MDGA2: variants seen among roughly 807,000 people sequenced by gnomAD.
MDGA2 encodes the protein MAM domain-containing glycosylphosphatidylinositol anchor protein 2.
A neutral mutation model predicts 117.8 loss-of-function variants in MDGA2; 40 were observed. The ratio of observed to expected loss-of-function variants is 0.34; its 90% CI spans 0.26 to 0.44. MDGA2 has a LOEUF of 0.44. Among genes scored for constraint, MDGA2 ranks in the 20% least tolerant of loss-of-function variants. MDGA2 has a pLI of 1.00. For missense variants in MDGA2, 1,123 were observed against 1,250.6 expected (o/e 0.90, Z 1.54); for synonymous variants, 452 against 439.0 (o/e 1.03, Z -0.37).
At chr14:47,597,022 T>A (rs1288633585) in intron 1 of MDGA2, among the ~76,000 whole-genome samples, 3 of 152,140 alleles carry the variant, frequency 2.0e-5, no homozygotes, top group Non-Finnish European at 4.4e-5. Flanking sequence ...CGACTCACTG[T>A]GTTACTACAC....
intron 10 of MDGA2, among the ~76,000 whole-genome samples, chr14:46,899,264 T>C (rs1883195149): frequency 6.6e-6 from 1 of 152,010 alleles, no homozygotes; most frequent in Non-Finnish European, 1.5e-5. Flanking sequence ...CCCCACCCTT[T>C]TTTTCCCAAA....
rs1391897098 is a variant in MDGA2 at position 47,387,305 on chromosome 14, G to C, written c.281-85755C>G. Reference sequence around the variant, plus strand: ...GTGGGTTACTTTGGTACCACGGTTGGGTTATTCTCCACCCACCCCCAAACC... The same window carrying C: ...GTGGGTTACTTTGGTACCACGGTTGCGTTATTCTCCACCCACCCCCAAACC... On this transcript the variant is annotated intron_variant, in intron 1 of 16. Transcript: ENST00000399232. 2.0e-5 allele frequency among the ~76,000 whole-genome samples: 3 copies of C among 152,198 alleles called. No homozygotes were observed. In the East Asian group the frequency reaches 5.8e-4, roughly 29 times the overall value.
intron 1 of MDGA2, among the ~76,000 whole-genome samples, chr14:47,419,028 C>T (rs1050689554): frequency 3.3e-5 from 5 of 152,034 alleles, no homozygotes; most frequent in East Asian, 1.9e-4. Flanking sequence ...AGTATTCAGA[C>T]GAAACTAAAT....
At chr14:47,182,532 A>G (rs577830615) in intron 3 of MDGA2, among the ~76,000 whole-genome samples, 1 of 152,132 alleles carries the variant, frequency 6.6e-6, no homozygotes, top group Non-Finnish European at 1.5e-5. Context: ...GCAAACCAGG[A>G]AGAGAGGTTC....
At chr14:47,673,632 ATGTG>A (rs10528657) in intron 1 of MDGA2, among the ~76,000 whole-genome samples, 50,196 of 143,764 alleles carry the variant, frequency 0.35, 9,070 homozygotes, top group Middle Eastern at 0.44. Flanking sequence ...TATGACCTGG[ATGTG>A]TGTGTGTGTG....
At chr14:47,537,163 A>ATTCTCAG (rs1895229781) in intron 1 of MDGA2, among the ~76,000 whole-genome samples, 1 of 152,078 alleles carries the variant, frequency 6.6e-6, no homozygotes, top group African/African-American at 2.4e-5. Flanking sequence ...TGCAACCGTT[A>ATTCTCAG]CAAATTCTGC....
intron 10 of MDGA2, among the ~76,000 whole-genome samples, chr14:46,903,728 CT>C (rs1883382580): frequency 6.6e-6 from 1 of 152,004 alleles, no homozygotes; most frequent in Non-Finnish European, 1.5e-5. Flanking sequence ...ATGTGGAATA[CT>C]GGAATGCCTG....
chr14:47,498,872 C>T lies in MDGA2; in HGVS notation c.280+175645G>A, dbSNP rs547785167. 5.5e-4 allele frequency among the ~76,000 whole-genome samples: 84 copies of T among 151,998 alleles called. 1 individual carries two copies. The highest frequency in any genetic ancestry group is 1.8e-3 in the African/African-American group (74 of 41,488). On this transcript the variant is annotated intron_variant, in intron 1 of 16. Coordinates refer to ENST00000399232, the MANE Select transcript of MDGA2 (RefSeq NM_001113498.3). ...CTGTGTATTATTACATATTTTGGTCCGAAAACTTTTTATAAAAGCAGTTTC... is the reference window on the plus strand; with the variant it reads ...CTGTGTATTATTACATATTTTGGTCTGAAAACTTTTTATAAAAGCAGTTTC...
Position 46,841,909 on chromosome 14 carries a change from T to C in MDGA2, c.*22A>G, listed in dbSNP as rs541938324. ...TCATGCCAGTGCCTGGTGAATCTTT[T>C]ATAGCCTCTGCCAGGATAAGGTCAC... On this transcript the variant is annotated 3_prime_UTR_variant, in exon 17 of 17. Transcript: ENST00000399232. 7.2e-6 allele frequency: 11 copies of C among 1,533,220 alleles called. No individual in the cohort carries two copies. In the East Asian group the frequency reaches 2.3e-4, roughly 32 times the overall value. 95.0% of individuals were successfully genotyped at this position (1,533,220 alleles called of 1,614,324 possible).
At chr14:47,365,482 G>A (rs963977958) in intron 1 of MDGA2, among the ~76,000 whole-genome samples, 4 of 152,262 alleles carry the variant, frequency 2.6e-5, no homozygotes, top group Non-Finnish European at 5.9e-5. Context: ...ATTGCCATTC[G>A]TAAGCTACTC....
At chr14:47,566,285 C>A (rs1367831567) in intron 1 of MDGA2, among the ~76,000 whole-genome samples, 1 of 152,142 alleles carries the variant, frequency 6.6e-6, no homozygotes, top group African/African-American at 2.4e-5. Context: ...TTGAAAGGCA[C>A]CTCAATTGGG....
intron 1 of MDGA2, 88 bp from the exon 2 acceptor site, chr14:47,301,638 C>G (rs2275504): frequency 0.2 from 271,115 of 1,356,234 alleles, 27,887 homozygotes; most frequent in South Asian, 0.29. Context: ...AAAAGCAATT[C>G]TTATTAGACT....
chr14:47,023,935 A>T (rs1054321142), intron 8 of MDGA2, among the ~76,000 whole-genome samples: 1 of 152,192 alleles, frequency 6.6e-6, no homozygotes, highest in East Asian at 1.9e-4. Flanking sequence ...ATATACAGAG[A>T]AGAAGAATAA....
chr14:47,132,208 G>A (rs1308701309), intron 4 of MDGA2, among the ~76,000 whole-genome samples: 2 of 151,830 alleles, frequency 1.3e-5, no homozygotes, highest in African/African-American at 4.8e-5. Context: ...TAATAATGGA[G>A]TGCATTCAAC....
At chr14:46,872,672 G>A (rs1882056342) in intron 14 of MDGA2, among the ~76,000 whole-genome samples, 1 of 151,912 alleles carries the variant, frequency 6.6e-6, no homozygotes, top group Non-Finnish European at 1.5e-5. Context: ...ACTATACATA[G>A]GTTCATATCA....
intron 5 of MDGA2, among the ~76,000 whole-genome samples, chr14:47,129,240 C>A (rs201340364): frequency 5.0e-5 from 6 of 119,886 alleles, no homozygotes; most frequent in South Asian, 4.6e-4. Context: ...TGCTATAGCT[C>A]CCCCCCCGAC....
At chr14:47,106,609 T>TCTC (rs1880698500) in intron 5 of MDGA2, among the ~76,000 whole-genome samples, 2 of 152,020 alleles carry the variant, frequency 1.3e-5, no homozygotes, top group East Asian at 2.0e-4. Context: ...GGCTCAAGGC[T>TCTC]CTCTGACTGA....
At chr14:47,214,735 G>T (rs1886021254) in intron 3 of MDGA2, among the ~76,000 whole-genome samples, 1 of 152,048 alleles carries the variant, frequency 6.6e-6, no homozygotes, top group Non-Finnish European at 1.5e-5. Flanking sequence ...TCAAAATAAT[G>T]TTAGCACATA....
At chr14:46,941,979 C>T (rs544443356) in intron 9 of MDGA2, among the ~76,000 whole-genome samples, 1 of 152,270 alleles carries the variant, frequency 6.6e-6, no homozygotes, top group Admixed American at 6.5e-5. Context: ...ACTGTCTCTG[C>T]TTACAAAATG....
Sources: allele counts gnomAD v4.1 joint callset (sites outside exome capture counted in the v4.1 genomes callset), GRCh38; gene constraint gnomAD v4.1.1; transcripts MANE v1.5; gene names NCBI Gene and HGNC (gene_info 2026-07-23, HGNC 2026-07-21).